VPS13D: variants seen among roughly 807,000 people sequenced by gnomAD.
VPS13D encodes the protein intermembrane lipid transfer protein VPS13D.
A neutral mutation model predicts 461.9 loss-of-function variants in VPS13D; 187 were observed. The ratio of observed to expected loss-of-function variants is 0.40; its 90% confidence interval spans 0.36 to 0.46. VPS13D has a LOEUF of 0.46. Among genes scored for constraint, VPS13D ranks in the 20% least tolerant of loss-of-function variants. The pLI is 0.60. For missense variants in VPS13D, 4,711 were observed against 5,364.9 expected (o/e 0.88, Z 3.81); for synonymous variants, 1,951 against 1,986.3 (o/e 0.98, Z 0.47).
At position 12,321,795 on chromosome 1, in the gene VPS13D, A is replaced by C; in HGVS notation, c.7549-14A>C. 6.3e-7 allele frequency: 1 copy of C among 1,593,572 alleles called. No homozygotes were observed. The highest frequency in any genetic ancestry group is 1.1e-5 in the South Asian group (1 of 87,186). ...CAGACATTAATTCTCGCCATATTGC[A>C]TTTCATTCTGTAGGTGTTTTCATGC... On this transcript the variant is annotated splice_polypyrimidine_tract_variant and intron_variant, in intron 32 of 69. Coordinates refer to ENST00000620676, the MANE Select transcript of VPS13D (RefSeq NM_015378.4).
At chr1:12,286,625 C>T (rs545977962) in intron 21 of VPS13D, among the ~76,000 whole-genome samples, 3 of 152,166 alleles carry the variant, frequency 2.0e-5, no homozygotes, top group South Asian at 2.1e-4. Flanking sequence ...CTCTAGAGAC[C>T]CCATCAGATT....
chr1:12,454,565 A>C (rs1645301579), intron 65 of VPS13D, among the ~76,000 whole-genome samples: 1 of 152,198 alleles, frequency 6.6e-6, no homozygotes, highest in South Asian at 2.1e-4. Flanking sequence ...TTCTTCCAGG[A>C]ACTGTTGCTT....
At chr1:12,367,644 G>C (rs998271591) in intron 52 of VPS13D, 3 of 151,688 alleles carry the variant, frequency 2.0e-5, no homozygotes, top group African/African-American at 7.3e-5. Flanking sequence ...GCACAATCTC[G>C]GCTCCCTGGA....
At chr1:12,289,469 A>T (rs1042348624) in intron 22 of VPS13D, among the ~76,000 whole-genome samples, 34 of 152,332 alleles carry the variant, frequency 2.2e-4, no homozygotes, top group African/African-American at 7.7e-4. Context: ...ATGCTGTAGT[A>T]AAAACAAGAA....
chr1:12,432,317 T>A (rs774278823), intron 65 of VPS13D, among the ~76,000 whole-genome samples: 10 of 149,488 alleles, frequency 6.7e-5, no homozygotes, highest in Non-Finnish European at 1.5e-4. Context: ...CGCTTGAACC[T>A]GGGGAGGCGG....
At chr1:12,508,501 C>T (rs543726748) in intron 69 of VPS13D, among the ~76,000 whole-genome samples, 128 of 144,780 alleles carry the variant, frequency 8.8e-4, no homozygotes, top group African/African-American at 3.1e-3. Flanking sequence ...GTCAGGAGTT[C>T]GAGACCATCC....
chr1:12,442,817 G>A (rs1253111304), intron 65 of VPS13D, among the ~76,000 whole-genome samples: 1 of 151,978 alleles, frequency 6.6e-6, no homozygotes, highest in Non-Finnish European at 1.5e-5. Flanking sequence ...TTGAACTCTT[G>A]GGTTCAAGTC....
In VPS13D at chr1:12,509,245, G is replaced by A. The variant is rs1646154050; in HGVS notation, c.*221G>A. ...AGATTATGGGAAATAATTTTTAAAG[G>A]TATTGGTTAAATAACGTTTAAAAAC... is the stretch of plus-strand genomic sequence containing the variant. On this transcript the variant is annotated 3_prime_UTR_variant, in exon 70 of 70. Transcript: ENST00000620676. 1 of 554,354 alleles carries A rather than the reference G, an allele frequency of 1.8e-6. No individual in the cohort carries two copies. The highest frequency in any genetic ancestry group is 1.9e-5 in the African/African-American group (1 of 52,818). The allele number at this position is 554,354 out of a possible 1,614,324, so 34.3% of individuals were successfully genotyped here.
chr1:12,468,023 G>GTGATTTGGGGTTATTCCATTTACTTTC (rs1478242923), intron 67 of VPS13D, among the ~76,000 whole-genome samples: 1 of 152,146 alleles, frequency 6.6e-6, no homozygotes, highest in Non-Finnish European at 1.5e-5. Context: ...AATGGGAAGT[G>GTGATTTGGGGTTATTCCATTTACTTTC]TGATTTGGGG....
At position 12,499,319 on chromosome 1, in the gene VPS13D, ATTTGT is replaced by A. The variant is rs559204669; in HGVS notation, c.12794+1689_12794+1693del. 2.9e-3 allele frequency: 890 copies of A among 303,192 alleles called. 1 individual carries two copies. The highest frequency in any genetic ancestry group is 3.7e-3 in the Non-Finnish European group (770 of 206,444). The allele number at this position is 303,192 out of a possible 1,614,324, so 18.8% of individuals were successfully genotyped here. A position where few individuals can be genotyped will look rare whatever the true frequency, so the allele number is the denominator to read the frequency against. On this transcript the variant is annotated intron_variant, in intron 68 of 69. Coordinates refer to ENST00000620676, the MANE Select transcript of VPS13D (RefSeq NM_015378.4). ...TATAGCCAGATAGCTGCAGTTCAGCATTTGTGTTCACATGCGTCCATTTTCCATTC... is the reference window on the plus strand; with the variant it reads ...TATAGCCAGATAGCTGCAGTTCAGCAGTTCACATGCGTCCATTTTCCATTC...
At chr1:12,255,483 T>C (rs1266623872) in intron 7 of VPS13D, among the ~76,000 whole-genome samples, 1 of 152,072 alleles carries the variant, frequency 6.6e-6, no homozygotes, top group Non-Finnish European at 1.5e-5. Context: ...AAGAAGCTGA[T>C]GTCGTTGGTT....
chr1:12,336,246 A>T (rs1316925897), intron 39 of VPS13D: 1 of 173,632 alleles, frequency 5.8e-6, no homozygotes, highest in African/African-American at 2.4e-5. Context: ...GTTTGGACAT[A>T]TTCTTGAAAA....
intron 63 of VPS13D, chr1:12,409,757 C>G (rs1263257443): frequency 2.5e-6 from 1 of 405,824 alleles, no homozygotes; most frequent in Non-Finnish European, 4.8e-6. Context: ...ATAGCAGACC[C>G]AGGCTAGTTG....
In VPS13D at chr1:12,273,098, C is replaced by T. The variant is rs200026447; in HGVS notation, c.2199C>T (p.Val733=). 2.5e-5 allele frequency: 40 copies of T among 1,613,966 alleles called. No homozygotes were observed. The Admixed American group carries it at 3.2e-4, about 13-fold the overall frequency. ...AATTCAAGAATCCTGTGTTAGTTGT[C>T]GTGGATCTAGGAAGAATGCTTTTGA... is the stretch of plus-strand genomic sequence containing the variant. ...DFKFKNPVLV[V]VDLGRMLLTN... is the part of the protein sequence containing the mutation. Residue 733 remains valine (V), a synonymous_variant, in exon 18 of 70, where the codon GTC becomes GTT. Transcript: ENST00000620676.
At position 12,253,801 on chromosome 1, in the gene VPS13D, G is replaced by A. The variant is rs528997969; in HGVS notation, c.644G>A (p.Gly215Glu). 4.6e-5 allele frequency: 75 copies of A among 1,613,926 alleles called. 1 individual carries two copies. The South Asian group carries it at 7.8e-4, about 17-fold the overall frequency. ...TGGGATGTCGATTGCACTTTACTGGGGGATTTGCCTCAGATGGAGTTACAG... is the reference window on the plus strand; with the variant it reads ...TGGGATGTCGATTGCACTTTACTGGAGGATTTGCCTCAGATGGAGTTACAG... ...IYWDVDCTLL[G>E]DLPQMELQEA... The change falls in exon 7 of 70, where the codon GGG (glycine) becomes GAG (glutamate). Residue 215 changes from glycine to glutamate, a missense_variant. Transcript: ENST00000620676.
At chr1:12,391,598 A>C (rs2101664250) in intron 60 of VPS13D, among the ~76,000 whole-genome samples, 1 of 152,302 alleles carries the variant, frequency 6.6e-6, no homozygotes, top group African/African-American at 2.4e-5. Context: ...GTGCACCACC[A>C]CATGCAGCTA....
At chr1:12,323,619 A>T in intron 34 of VPS13D, 87 bp from the exon 35 acceptor site, 22 of 1,363,286 alleles carry the variant, frequency 1.6e-5, no homozygotes, top group Non-Finnish European at 2.1e-5. Flanking sequence ...ACGGGTTTTT[A>T]AATTTCTTTT....
At chr1:12,422,040 G>A (rs1294202003) in intron 65 of VPS13D, among the ~76,000 whole-genome samples, 1 of 152,116 alleles carries the variant, frequency 6.6e-6, no homozygotes, top group East Asian at 1.9e-4. Flanking sequence ...TGTTGGCCAG[G>A]CTGGTCTTGA....
chr1:12,468,085 TG>T (rs909506214), intron 67 of VPS13D, among the ~76,000 whole-genome samples: 5 of 152,250 alleles, frequency 3.3e-5, no homozygotes, highest in Non-Finnish European at 4.4e-5. Flanking sequence ...AATGAAATAA[TG>T]TTGCCATTAT....
Sources: gnomAD v4.1 joint callset for allele counts (sites outside exome capture counted in the v4.1 genomes callset) on GRCh38, gnomAD v4.1.1 for gene constraint, MANE v1.5 for transcripts, NCBI Gene and HGNC (gene_info 2026-07-23, HGNC 2026-07-21) for gene names.